The following IHO1 variants were observed in gnomAD, a reference collection of about 807,000 sequenced individuals.
IHO1 encodes interactor of HORMAD1 1, also known as interactor of HORMAD1 protein 1.
A neutral mutation model predicts 31.0 loss-of-function variants in IHO1; 13 were observed. That is an observed-to-expected ratio of 0.42 (90% CI 0.27 to 0.67). The LOEUF (loss-of-function observed/expected upper bound fraction) is 0.67. Ranked by LOEUF, IHO1 falls within the 30% of genes least tolerant of loss-of-function variation. IHO1 has a pLI of 0.24. For missense variants in IHO1, 599 were observed against 687.5 expected (o/e 0.87, Z 1.44); for synonymous variants, 221 against 248.4 (o/e 0.89, Z 1.04).
chr3:49,212,279 G>T (rs1443298367), intron 2 of IHO1, among the ~76,000 whole-genome samples: 3 of 152,016 alleles, frequency 2.0e-5, no homozygotes, highest in African/African-American at 2.4e-5. Context: ...GGCCCAGGTG[G>T]GTGGATCACC....
chr3:49,237,757 C>G (rs2046577202), intron 3 of IHO1, among the ~76,000 whole-genome samples: 1 of 151,756 alleles, frequency 6.6e-6, no homozygotes, highest in Non-Finnish European at 1.5e-5. Flanking sequence ...ATACTTTAGT[C>G]AACTATACTA....
chr3:49,248,344 A>G (rs1157208542), intron 6 of IHO1, among the ~76,000 whole-genome samples: 1 of 149,012 alleles, frequency 6.7e-6, no homozygotes, highest in Non-Finnish European at 1.5e-5. Flanking sequence ...ACGTGAACCC[A>G]GGATGGGGAG....
chr3:49,243,757 C>CA (rs1158612762), intron 4 of IHO1, among the ~76,000 whole-genome samples: 1,266 of 44,188 alleles, frequency 0.029, 48 homozygotes, highest in African/African-American at 0.042. Context: ...GACTCTGTCT[C>CA]AAAAAAAAAA....
At chr3:49,252,931 A>G (rs2046777649) in intron 6 of IHO1, among the ~76,000 whole-genome samples, 1 of 152,046 alleles carries the variant, frequency 6.6e-6, no homozygotes. Flanking sequence ...AGTCCCAGCT[A>G]CTTGGGAGGC....
intron 4 of IHO1, among the ~76,000 whole-genome samples, chr3:49,242,515 T>C (rs556949222): frequency 6.6e-6 from 1 of 152,298 alleles, no homozygotes; most frequent in South Asian, 2.1e-4. Flanking sequence ...AAATAAAAAC[T>C]AGAGGATTTC....
At chr3:49,237,097 G>A (rs943046354) in intron 3 of IHO1, among the ~76,000 whole-genome samples, 1 of 151,496 alleles carries the variant, frequency 6.6e-6, no homozygotes, top group Non-Finnish European at 1.5e-5. Flanking sequence ...TGCCTGTAAT[G>A]CCAGCAATTT....
At chr3:49,223,894 C>T (rs866498990) in intron 2 of IHO1, among the ~76,000 whole-genome samples, 1 of 152,170 alleles carries the variant, frequency 6.6e-6, no homozygotes, top group Non-Finnish European at 1.5e-5. Context: ...TGAAGTCTAA[C>T]TGCCAGTCCT....
Position 49,244,440 on chromosome 3 carries a change from A to C in IHO1, c.432A>C (p.Glu144Asp). The C allele has an allele frequency of 6.4e-7, 1 of 1,562,454 alleles. No individual in the cohort carries two copies. The highest frequency in any genetic ancestry group is 8.7e-7 in the Non-Finnish European group (1 of 1,147,572). ...TLYNFVSNVR[E>D]SILRLQTSVE... The stretch of plus-strand genomic sequence containing the variant: ...ACAACTTTGTTTCTAATGTTAGAGA[A>C]AGCATTCTCAGGGTAAGTACAGATA... The change falls in exon 5 of 8, where the codon GAA becomes GAC. Residue 144 changes from glutamate (E) to aspartate (D), a missense_variant. Physicochemically the swap from Glu to Asp is conservative, Grantham distance 45. Transcript: ENST00000452691.
At chr3:49,207,281 C>G (rs1195656176) in intron 1 of IHO1, among the ~76,000 whole-genome samples, 1 of 148,478 alleles carries the variant, frequency 6.7e-6, no homozygotes, top group Non-Finnish European at 1.5e-5. Flanking sequence ...GAGTCTCACT[C>G]TGTCTCTAGG....
At chr3:49,217,710 G>A (rs2046306675) in intron 2 of IHO1, among the ~76,000 whole-genome samples, 1 of 152,120 alleles carries the variant, frequency 6.6e-6, no homozygotes, top group Admixed American at 6.5e-5. Flanking sequence ...CCCTGAGTTT[G>A]CTTTCCTGCA....
intron 2 of IHO1, among the ~76,000 whole-genome samples, chr3:49,221,322 T>C (rs960774371): frequency 2.0e-5 from 3 of 152,042 alleles, no homozygotes; most frequent in Admixed American, 6.5e-5. Context: ...TGCTGATTAG[T>C]GCGTTTACAA....
chr3:49,241,557 A>C (rs180687781), intron 4 of IHO1, among the ~76,000 whole-genome samples, 168 bp downstream of exon 4: 1 of 152,202 alleles, frequency 6.6e-6, no homozygotes, highest in Non-Finnish European at 1.5e-5. Flanking sequence ...ACACACACAC[A>C]CACAGACACA....
chr3:49,253,628 A>G (rs2046788650), intron 6 of IHO1, among the ~76,000 whole-genome samples: 2 of 151,974 alleles, frequency 1.3e-5, no homozygotes, highest in South Asian at 4.1e-4. Flanking sequence ...TTTCCCTTAC[A>G]GTTTTATGAC....
chr3:49,257,499 A>AAAT lies in IHO1; in HGVS notation c.*218_*220dup. 1 of 517,366 alleles carries AAAT rather than the reference A, an allele frequency of 1.9e-6. No homozygotes were observed. The highest frequency in any genetic ancestry group is 3.3e-5 in the East Asian group (1 of 29,866). 32.0% of individuals were successfully genotyped at this position (517,366 alleles called of 1,614,324 possible). On this transcript the variant is annotated 3_prime_UTR_variant, in exon 8 of 8. Coordinates refer to ENST00000452691, the MANE Select transcript of IHO1 (RefSeq NM_001135197.2). Reference sequence around the variant, plus strand: ...AAGTGCATCCTTATTTATTGGAATGAAATGTGAAAATGGTGCTGATGAAAA... The same window carrying AAAT: ...AAGTGCATCCTTATTTATTGGAATGAAATAATGTGAAAATGGTGCTGATGAAAA...
chr3:49,217,496 G>T (rs1406650144), intron 2 of IHO1, among the ~76,000 whole-genome samples: 1 of 93,160 alleles, frequency 1.1e-5, no homozygotes, highest in East Asian at 3.1e-4. Context: ...GGGGTGGGGG[G>T]CTGGGGGGCT....
At chr3:49,236,093 T>C (rs892182699) in intron 2 of IHO1, among the ~76,000 whole-genome samples, 1 of 151,806 alleles carries the variant, frequency 6.6e-6, no homozygotes, top group Non-Finnish European at 1.5e-5. Context: ...ATACAAAAAT[T>C]AGCCTGGTGT....
In IHO1 at chr3:49,258,062, C is replaced by T; in HGVS notation, c.*780C>T. On this transcript the variant is annotated 3_prime_UTR_variant, in exon 8 of 8. Coordinates refer to ENST00000452691, the MANE Select transcript of IHO1 (RefSeq NM_001135197.2). ...CTGAAGTTTTTGAGTTTTTGCAACA[C>T]AAGTATTTTTTGTTATCAGAAATAA... The T allele has an allele frequency of 6.6e-6, 1 of 152,120 alleles. No individual in the cohort carries two copies. The highest frequency in any genetic ancestry group is 1.9e-4 in the East Asian group (1 of 5,200). 9.4% of individuals were successfully genotyped at this position (152,120 alleles called of 1,614,324 possible). A position where few individuals can be genotyped will look rare whatever the true frequency, so the allele number is the denominator to read the frequency against.
intron 2 of IHO1, among the ~76,000 whole-genome samples, chr3:49,232,660 C>G (rs960834616): frequency 2.0e-5 from 3 of 152,206 alleles, no homozygotes; most frequent in African/African-American, 7.2e-5. Flanking sequence ...CCAACTGTCA[C>G]AAGCAACACC....
chr3:49,202,495 TTGTGTGTGTG>T (rs113425200), intron 1 of IHO1, among the ~76,000 whole-genome samples: 3,735 of 129,960 alleles, frequency 0.029, 88 homozygotes, highest in African/African-American at 0.055. Context: ...CCGGCTAATT[TTGTGTGTGTG>T]TGTGTGTGTG....
Sources: gnomAD v4.1 joint callset for allele counts (sites outside exome capture counted in the v4.1 genomes callset) on GRCh38, gnomAD v4.1.1 for gene constraint, MANE v1.5 for transcripts, NCBI Gene and HGNC (gene_info 2026-07-23, HGNC 2026-07-21) for gene names.